The following MED16 variants were observed in gnomAD, a reference collection of about 807,000 sequenced individuals.
MED16 encodes the protein mediator complex subunit 16.
A neutral mutation model predicts 84.4 loss-of-function variants in MED16; 81 were observed. The ratio of observed to expected loss-of-function variants is 0.96; its 90% CI spans 0.80 to 1.15. The LOEUF (loss-of-function observed/expected upper bound fraction) is 1.15. MED16 is among the 50% of genes most tolerant of loss of function. The probability of loss-of-function intolerance (pLI) is 0.00; values close to 1 mark genes in which losing one functional copy is unlikely to be tolerated. For synonymous variants in MED16, 897 were observed against 552.2 expected, an observed-to-expected ratio of 1.62 and a Z score of -8.76; for missense variants, 1,585 against 1,245.9, an observed-to-expected ratio of 1.27 and a Z score of -4.10.
Position 886,200 on chromosome 19 carries a change from G to A in MED16, c.449C>T (p.Ser150Leu), listed in dbSNP as rs781564163. Residue 150 changes from serine to leucine, a missense_variant and splice_region_variant, in exon 5 of 16, where the codon TCG (serine) becomes TTG (leucine). Coordinates refer to ENST00000325464, the MANE Select transcript of MED16 (RefSeq NM_005481.3). The part of the protein sequence containing the change: ...GVKLALHVEK[S>L]GASSFGEKFS... ...CTTCTCCCCGAAGCTGGAGGCGCCC[G>A]ACTGTGGAGAAGGGAGGGAGGGAGG... The A allele has an allele frequency of 3.4e-5, 51 of 1,506,842 alleles. No homozygotes were observed. The Admixed American group carries it at 8.2e-4, about 24-fold the overall frequency. 93.3% of individuals were successfully genotyped at this position (1,506,842 alleles called of 1,614,324 possible). A position where few individuals can be genotyped will look rare whatever the true frequency, so the allele number is the denominator to read the frequency against.
chr19:892,061 G>A (rs139560649), intron 1 of MED16, among the ~76,000 whole-genome samples: 1 of 152,016 alleles, frequency 6.6e-6, no homozygotes, highest in East Asian at 1.9e-4. Flanking sequence ...ACCTGTGGCC[G>A]AGGCGGGGGC....
intron 14 of MED16, 143 bp from the exon 15 acceptor site, chr19:868,642 C>T: frequency 8.2e-7 from 1 of 1,223,026 alleles, no homozygotes; most frequent in African/African-American, 1.5e-5. Flanking sequence ...CACAGGGCCT[C>T]TGCCCATGCT....
chr19:891,295 G>T, intron 1 of MED16, 146 bp from the exon 2 acceptor site: 1 of 779,822 alleles, frequency 1.3e-6, no homozygotes, highest in Non-Finnish European at 2.0e-6. Context: ...AGAGCCTGGG[G>T]CTGGGGCCGA....
chr19:873,419 G>T (rs768544257), intron 11 of MED16, 30 bp downstream of exon 11: 18 of 1,595,648 alleles, frequency 1.1e-5, no homozygotes, highest in South Asian at 3.3e-5. Context: ...CCAGGTGGGG[G>T]GCGGGGCCTT....
intron 8 of MED16, among the ~76,000 whole-genome samples, chr19:878,797 C>T: frequency 6.7e-6 from 1 of 150,244 alleles, no homozygotes; most frequent in Non-Finnish European, 1.5e-5. Flanking sequence ...CCACCAGCCC[C>T]AGCCCCACGT....
Position 872,074 on chromosome 19 carries a change from G to A in MED16, c.1950C>T (p.Thr650=), listed in dbSNP as rs374265478. The change falls in exon 12 of 16, where the codon ACC becomes ACT. Residue 650 remains threonine, a synonymous_variant. Transcript: ENST00000325464. ...TCAATTCCCGAAGCATGCCCAGCGA[G>A]GTGCCGTCCCGCAGAAAGCTGTGGC... ...RPGHSFLRDG[T]SLGMLRELMV... 6 of 1,609,422 alleles carry A rather than the reference G, an allele frequency of 3.7e-6. No individual in the cohort carries two copies. In the African/African-American group the frequency reaches 5.4e-5, roughly 14 times the overall value.
intron 11 of MED16, 150 bp from the exon 12 acceptor site, chr19:872,268 C>T (rs941283015): frequency 4.7e-6 from 3 of 638,186 alleles, no homozygotes; most frequent in South Asian, 4.3e-5. Context: ...CTTCTGGCAC[C>T]GAGTGGGTGG....
intron 14 of MED16, 41 bp from the exon 15 acceptor site, chr19:868,540 C>G (rs112560510): frequency 6.2e-7 from 1 of 1,601,976 alleles, no homozygotes; most frequent in East Asian, 2.2e-5. Context: ...CACTTCCAGG[C>G]GGGCCTCCCT....
rs144849703 is a variant in MED16, at chr19:877,010, G to A, written c.1524C>T (p.His508=). Reference sequence around the variant, plus strand: ...CAGCGGTCTGGCGCGTGTACTCCTCGTGCAGCTTCTCCACCAGGCTCTGTA... The same window carrying A: ...CAGCGGTCTGGCGCGTGTACTCCTCATGCAGCTTCTCCACCAGGCTCTGTA... ...SMVQSLVEKL[H]EEYTRQTAAL... The change falls in exon 9 of 16, where the codon CAC becomes CAT. Residue 508 remains histidine, a synonymous_variant. Transcript: ENST00000325464. 5.5e-4 allele frequency: 893 copies of A among 1,612,012 alleles called. 1 individual carries two copies. The highest frequency in any genetic ancestry group is 1.2e-3 in the Admixed American group (74 of 59,974).
At chr19:888,891 A>G (rs1012561567) in intron 4 of MED16, among the ~76,000 whole-genome samples, 1 of 152,170 alleles carries the variant, frequency 6.6e-6, no homozygotes, top group Admixed American at 6.5e-5. Context: ...GCCCCAGCAC[A>G]AGCAGACGCA....
chr19:877,271 T>A, intron 8 of MED16, 91 bp from the exon 9 acceptor site: 1 of 1,218,382 alleles, frequency 8.2e-7, no homozygotes, highest in Non-Finnish European at 1.2e-6. Context: ...GCGGCACGTG[T>A]GTGGATCTGT....
chr19:871,322 T>A, intron 12 of MED16, 69 bp from the exon 13 acceptor site: 1 of 1,447,402 alleles, frequency 6.9e-7, no homozygotes, highest in Non-Finnish European at 9.3e-7. Flanking sequence ...CGGGACGTGC[T>A]GGGAGCCCCT....
intron 5 of MED16, among the ~76,000 whole-genome samples, chr19:885,428 G>A (rs559211209): frequency 6.6e-6 from 1 of 152,242 alleles, no homozygotes; most frequent in East Asian, 1.9e-4. Context: ...GATTCGGTTC[G>A]GGACACTGAG....
At chr19:883,560 ATG>A (rs1474025223) in intron 6 of MED16, among the ~76,000 whole-genome samples, 2 of 152,042 alleles carry the variant, frequency 1.3e-5, no homozygotes, top group Non-Finnish European at 2.9e-5. Context: ...GCTGCCAGGG[ATG>A]TGAGACCTGA....
intron 13 of MED16, among the ~76,000 whole-genome samples, chr19:869,213 G>A (rs983928029): frequency 7.9e-5 from 12 of 152,278 alleles, no homozygotes; most frequent in African/African-American, 1.7e-4. Context: ...TAAAGGGGAC[G>A]GGGCCCACAC....
intron 10 of MED16, among the ~76,000 whole-genome samples, chr19:874,502 G>A (rs2036181946): frequency 6.6e-6 from 1 of 152,116 alleles, no homozygotes; most frequent in Non-Finnish European, 1.5e-5. Context: ...AGGACACCAC[G>A]TGCTGGGTGA....
chr19:873,534 T>C lies in MED16; in HGVS notation c.1820A>G (p.Asp607Gly), dbSNP rs138187794. The change falls in exon 11 of 16, where the codon GAC (aspartate) becomes GGC (glycine). Residue 607 changes from aspartate to glycine, a missense_variant. Coordinates refer to ENST00000325464, the MANE Select transcript of MED16 (RefSeq NM_005481.3). Reference sequence around the variant, plus strand: ...CTGCAGCGCCTGCAGTGTGTTCATGTCCAGCACAAATTCCTCCGTCTTGAG... The same window carrying C: ...CTGCAGCGCCTGCAGTGTGTTCATGCCCAGCACAAATTCCTCCGTCTTGAG... ...INLKTEEFVL[D>G]MNTLQALQQL... 3 of 1,612,222 alleles carry C rather than the reference T, an allele frequency of 1.9e-6. No homozygotes were observed. Among genetic ancestry groups the C allele is most frequent in the African/African-American group, 1.3e-5 (1 of 74,822 alleles).
chr19:871,719 C>G (rs1374687549), intron 12 of MED16: 2 of 1,109,580 alleles, frequency 1.8e-6, no homozygotes, highest in East Asian at 3.0e-5. Flanking sequence ...GGCTTATGTT[C>G]TGGCGGGGGG....
In MED16 at chr19:868,236, A is replaced by G. The variant is rs61738006; in HGVS notation, c.2499T>C (p.Arg833=). The G allele has an allele frequency of 0.014, 22,957 of 1,595,712 alleles. 227 individuals are homozygous for G. Among genetic ancestry groups the G allele is most frequent in the Middle Eastern group, 0.021 (123 of 5,962 alleles). ...TGCTGGTCACGCAGGCGTCCGGCCC[A>G]CGGCCTTCAACAGCCCTGCAGGGCG... The part of the protein sequence containing the change: ...WIKNCLAVEG[R]GPDACVTSRA... The change falls in exon 16 of 16, where the codon CGT becomes CGC. Residue 833 remains arginine, a synonymous_variant. Transcript: ENST00000325464.
Sources: allele counts gnomAD v4.1 joint callset (sites outside exome capture counted in the v4.1 genomes callset), GRCh38; gene constraint gnomAD v4.1.1; transcripts MANE v1.5; gene names NCBI Gene and HGNC (gene_info 2026-07-23, HGNC 2026-07-21).